ZNF423: variants seen among roughly 807,000 people sequenced by gnomAD.
ZNF423 encodes the protein Ebf-associated zinc finger protein.
A neutral mutation model predicts 95.8 loss-of-function variants in ZNF423; 12 were observed. That is an observed-to-expected ratio of 0.13 (90% CI 0.08 to 0.20). The LOEUF is 0.20. ZNF423 is among the 10% of genes least tolerant of loss of function. ZNF423 has a pLI of 1.00. For synonymous variants in ZNF423, 749 were observed against 711.9 expected, an observed-to-expected ratio of 1.05 and a Z score of -0.83; for missense variants, 1,316 against 1,737.1, an observed-to-expected ratio of 0.76 and a Z score of 4.31.
chr16:49,720,669 C>G (rs2143258104), intron 3 of ZNF423, among the ~76,000 whole-genome samples: 1 of 152,336 alleles, frequency 6.6e-6, no homozygotes, highest in Admixed American at 6.5e-5. Flanking sequence ...CTGTCAAAAG[C>G]AAAAGTATTG....
chr16:49,729,818 TGAG>T (rs1019561261), intron 3 of ZNF423, among the ~76,000 whole-genome samples: 4 of 152,098 alleles, frequency 2.6e-5, no homozygotes, highest in African/African-American at 9.7e-5. Context: ...CAAGATGATA[TGAG>T]GAGTAGAAAA....
intron 5 of ZNF423, among the ~76,000 whole-genome samples, chr16:49,602,899 T>C (rs1295609250): frequency 6.6e-6 from 1 of 152,136 alleles, no homozygotes; most frequent in East Asian, 1.9e-4. Context: ...AGTTTCTATT[T>C]TGTGAGCAAA....
chr16:49,666,083 C>T (rs2030528320), intron 3 of ZNF423, among the ~76,000 whole-genome samples: 1 of 152,194 alleles, frequency 6.6e-6, no homozygotes, highest in South Asian at 2.1e-4. Context: ...GATCAAAACG[C>T]AGCGAAGGCC....
chr16:49,809,941 A>AT (rs986784227), intron 1 of ZNF423, among the ~76,000 whole-genome samples: 4 of 148,382 alleles, frequency 2.7e-5, no homozygotes, highest in African/African-American at 1.0e-4. Context: ...GCGCCCACCC[A>AT]TTTTTTCCTC....
At chr16:49,627,068 C>T (rs1207932711) in intron 4 of ZNF423, among the ~76,000 whole-genome samples, 1 of 130,436 alleles carries the variant, frequency 7.7e-6, no homozygotes, top group Non-Finnish European at 1.6e-5. Flanking sequence ...CATCCATCCT[C>T]CATCTACCCA....
intron 1 of ZNF423, chr16:49,853,605 GCCTTTC>G (rs1319020020): frequency 2.0e-6 from 2 of 983,054 alleles, no homozygotes. Flanking sequence ...TCACCTTGCT[GCCTTTC>G]TCCTACCAAC....
intron 3 of ZNF423, among the ~76,000 whole-genome samples, chr16:49,663,889 C>T (rs556436502): frequency 6.6e-6 from 1 of 152,320 alleles, no homozygotes; most frequent in African/African-American, 2.4e-5. Context: ...CAGCTGGCCG[C>T]CCACTTTTCC....
At chr16:49,764,743 CTTTTCTTTTT>C (rs915425931) in intron 2 of ZNF423, 1 of 151,634 alleles carries the variant, frequency 6.6e-6, no homozygotes, top group Non-Finnish European at 1.5e-5. Context: ...CCTCTTTTTT[CTTTTCTTTTT>C]TTTTCTTTTT....
chr16:49,610,502 T>C (rs77924494), intron 5 of ZNF423, among the ~76,000 whole-genome samples: 3,460 of 152,108 alleles, frequency 0.023, 131 homozygotes, highest in African/African-American at 0.079. Context: ...TATAATATAA[T>C]ACCTACAGTA....
At chr16:49,530,242 C>A (rs185522123) in intron 5 of ZNF423, among the ~76,000 whole-genome samples, 1 of 152,070 alleles carries the variant, frequency 6.6e-6, no homozygotes, top group South Asian at 2.1e-4. Context: ...GACCCCCAGA[C>A]CATCCCACAC....
intron 3 of ZNF423, among the ~76,000 whole-genome samples, chr16:49,693,663 C>A (rs1477023): frequency 0.31 from 47,145 of 152,008 alleles, 8,083 homozygotes; most frequent in South Asian, 0.46. Context: ...GGCCAATCAG[C>A]GTGAATCCTG....
At chr16:49,616,769 C>T (rs1971889578) in intron 5 of ZNF423, among the ~76,000 whole-genome samples, 1 of 152,154 alleles carries the variant, frequency 6.6e-6, no homozygotes, top group Non-Finnish European at 1.5e-5. Context: ...ATTCTTCTTG[C>T]AGAAAGCCCT....
intron 1 of ZNF423, among the ~76,000 whole-genome samples, chr16:49,838,347 T>C (rs1349105512): frequency 6.6e-6 from 1 of 152,228 alleles, no homozygotes; most frequent in African/African-American, 2.4e-5. Context: ...TTTCCTCCTC[T>C]GTAAAATGGG....
intron 5 of ZNF423, among the ~76,000 whole-genome samples, chr16:49,606,205 A>G (rs1971530978): frequency 2.0e-5 from 3 of 152,156 alleles, no homozygotes. Context: ...GTTAGAGCAA[A>G]ATAAAGTCCT....
Position 49,691,454 on chromosome 16 carries a change from C to T in ZNF423, c.301+39317G>A, listed in dbSNP as rs151054039. On this transcript the variant is annotated intron_variant, in intron 3 of 7. Coordinates refer to ENST00000563137, the MANE Select transcript of ZNF423 (RefSeq NM_001379286.1). Reference sequence around the variant, plus strand: ...TAGGTTAAAACAGAGGATCCTCGGCCGGGCGCAGTGGCTCACGCCTGTAAT... The same window carrying T: ...TAGGTTAAAACAGAGGATCCTCGGCTGGGCGCAGTGGCTCACGCCTGTAAT... Among the ~76,000 whole-genome samples, 31 of 152,298 alleles carry T rather than the reference C, an allele frequency of 2.0e-4. No individual in the cohort carries two copies. The East Asian group carries it at 4.4e-3, about 22-fold the overall frequency.
In ZNF423 at chr16:49,590,422, G is replaced by A. The variant is rs536849862; in HGVS notation, c.3601+35748C>T. Among the ~76,000 whole-genome samples the A allele has an allele frequency of 2.2e-4, 34 of 152,174 alleles. No individual in the cohort carries two copies. The Middle Eastern group carries it at 0.01, about 46-fold the overall frequency. ...GACATGCAGGCATCACGGCTGCTTC[G>A]GGGGGCAAGGGTCTTCTGGAAAAGA... On this transcript the variant is annotated intron_variant, in intron 5 of 7. Transcript: ENST00000563137.
intron 3 of ZNF423, among the ~76,000 whole-genome samples, chr16:49,639,386 A>G (rs891605470): frequency 6.6e-6 from 1 of 152,190 alleles, no homozygotes; most frequent in African/African-American, 2.4e-5. Flanking sequence ...CCCTTATCAG[A>G]TTGGCCATAG....
chr16:49,762,912 C>G (rs2033858032), intron 2 of ZNF423, among the ~76,000 whole-genome samples: 1 of 152,228 alleles, frequency 6.6e-6, no homozygotes. Flanking sequence ...CTCATCAGTT[C>G]TTTTCACGTC....
chr16:49,599,272 C>CT (rs1971280142), intron 5 of ZNF423, among the ~76,000 whole-genome samples: 1 of 152,172 alleles, frequency 6.6e-6, no homozygotes, highest in South Asian at 2.1e-4. Context: ...TACTTGGCAG[C>CT]CCTTAAAACT....
Sources: gnomAD v4.1 joint callset for allele counts (sites outside exome capture counted in the v4.1 genomes callset) on GRCh38, gnomAD v4.1.1 for gene constraint, MANE v1.5 for transcripts, NCBI Gene and HGNC (gene_info 2026-07-23, HGNC 2026-07-21) for gene names.